Variants in DNAAF4 observed in about 807,000 individuals in gnomAD.
DNAAF4 encodes the protein dynein axonemal assembly factor 4.
A neutral mutation model predicts 51.8 loss-of-function variants in DNAAF4; 43 were observed. That is an observed-to-expected ratio of 0.83 (90% CI 0.65 to 1.07). The LOEUF is 1.07. Among genes scored for constraint, DNAAF4 ranks in the 50% least tolerant of loss-of-function variants. DNAAF4 has a pLI of 0.00. For missense variants in DNAAF4, 581 were observed against 493.0 expected (o/e 1.18, Z -1.69); for synonymous variants, 194 against 165.6 (o/e 1.17, Z -1.32).
intron 4 of DNAAF4, among the ~76,000 whole-genome samples, chr15:55,472,869 A>G (rs1432782039): frequency 6.6e-6 from 1 of 151,948 alleles, no homozygotes; most frequent in Non-Finnish European, 1.5e-5. Flanking sequence ...TTGTAAATAA[A>G]ACATTAGCAA....
chr15:55,465,500 G>T (rs796491437), intron 5 of DNAAF4, among the ~76,000 whole-genome samples: 15 of 151,108 alleles, frequency 9.9e-5, no homozygotes, highest in African/African-American at 3.6e-4. Context: ...CCTGGATGGA[G>T]TTGGAGACGA....
At chr15:55,502,887 T>G (rs2058707019) in intron 1 of DNAAF4, among the ~76,000 whole-genome samples, 1 of 151,838 alleles carries the variant, frequency 6.6e-6, no homozygotes, top group South Asian at 2.1e-4. Flanking sequence ...AGCAAACACA[T>G]TCAAAAGCTA....
rs889125391 is a variant in DNAAF4 at position 55,450,250 on chromosome 15, C to T, written c.755G>A (p.Arg252His). 96 of 1,612,970 alleles carry T rather than the reference C, an allele frequency of 6.0e-5. No homozygotes were observed. The highest frequency in any genetic ancestry group is 8.0e-5 in the Non-Finnish European group (94 of 1,179,814). The change falls in exon 6 of 10, where the codon CGT becomes CAT. Residue 252 changes from arginine to histidine, a missense_variant. Arg to His is a conservative substitution (Grantham distance 29). Transcript: ENST00000321149. ...CTCCTCTTCTGCTACTTGTGATTCA[C>T]GAAGAGCTGTTGGGAATACTCGAGG... ...FTPRVFPTAL[R>H]ESQVAEEEEW...
chr15:55,437,708 G>A (rs1020643219), intron 7 of DNAAF4, among the ~76,000 whole-genome samples: 2 of 152,156 alleles, frequency 1.3e-5, no homozygotes, highest in Admixed American at 6.6e-5. Flanking sequence ...GGAGATCACG[G>A]AAGCAGAGGT....
intron 1 of DNAAF4, among the ~76,000 whole-genome samples, chr15:55,505,605 C>A (rs571463631): frequency 6.6e-6 from 1 of 152,228 alleles, no homozygotes; most frequent in Admixed American, 6.5e-5. Context: ...GAGGAGTTCA[C>A]GTCCTTTGCA....
At chr15:55,489,485 C>A (rs915592496) in intron 4 of DNAAF4, among the ~76,000 whole-genome samples, 3 of 151,958 alleles carry the variant, frequency 2.0e-5, no homozygotes, top group Admixed American at 6.6e-5. Flanking sequence ...ACCAACCTGG[C>A]CAATATGGTG....
At chr15:55,460,415 C>T (rs866174564) in intron 5 of DNAAF4, among the ~76,000 whole-genome samples, 1 of 151,734 alleles carries the variant, frequency 6.6e-6, no homozygotes, top group African/African-American at 2.4e-5. Context: ...CCTGACCACC[C>T]GTGATCCACC....
intron 5 of DNAAF4, among the ~76,000 whole-genome samples, chr15:55,464,449 A>G (rs528912887): frequency 6.6e-6 from 1 of 152,342 alleles, no homozygotes. Flanking sequence ...AAAGATAAAT[A>G]GATGGGACTT....
chr15:55,418,191 A>T, intron 7 of DNAAF4: 1 of 1,564,308 alleles, frequency 6.4e-7, no homozygotes, highest in African/African-American at 1.4e-5. Context: ...GAACTTTATA[A>T]TGGAGAATGA....
At chr15:55,470,287 G>A (rs986004899) in intron 4 of DNAAF4, among the ~76,000 whole-genome samples, 20 of 151,606 alleles carry the variant, frequency 1.3e-4, no homozygotes, top group Middle Eastern at 6.8e-3. Context: ...CCTGACCTCA[G>A]GTGATCCACC....
At chr15:55,449,424 A>G (rs1036416071) in intron 6 of DNAAF4, among the ~76,000 whole-genome samples, 1 of 150,314 alleles carries the variant, frequency 6.7e-6, no homozygotes, top group Non-Finnish European at 1.5e-5. Context: ...GCACATTGGG[A>G]GGCCGAGCAG....
At chr15:55,421,051 G>A (rs180868603) in intron 7 of DNAAF4, among the ~76,000 whole-genome samples, 88 of 151,958 alleles carry the variant, frequency 5.8e-4, no homozygotes, top group African/African-American at 2.0e-3. Flanking sequence ...TTAGCCAGGC[G>A]TGGTGGTGTG....
chr15:55,492,153 G>T (rs767240820), intron 3 of DNAAF4, among the ~76,000 whole-genome samples: 3 of 151,964 alleles, frequency 2.0e-5, no homozygotes, highest in Admixed American at 2.0e-4. Flanking sequence ...CACCACGCAA[G>T]ATCTCACAGT....
rs2058671662 is a variant in DNAAF4, at chr15:55,498,593, G to GAAAACAAAAAAAAAA, written c.-255-10_-255-9insTTTTTTTTTTGTTTT. 1.3e-5 allele frequency: 1 copy of GAAAACAAAAAAAAAA among 74,652 alleles called. No homozygotes were observed. Among genetic ancestry groups the GAAAACAAAAAAAAAA allele is most frequent in the African/African-American group, 5.8e-5 (1 of 17,198 alleles). The allele number at this position is 74,652 out of a possible 1,614,324, so 4.6% of individuals were successfully genotyped here. A position where few individuals can be genotyped will look rare whatever the true frequency, so the allele number is the denominator to read the frequency against. ...AAGTAGACCCATACCCTCTGCTTGA[G>GAAAACAAAAAAAAAA]AAAAAAAAAAAAAAAAAAAAGCACT... On this transcript the variant is annotated splice_polypyrimidine_tract_variant and intron_variant, in intron 1 of 9. Transcript: ENST00000321149.
At chr15:55,444,678 G>A (rs1198389296) in intron 6 of DNAAF4, among the ~76,000 whole-genome samples, 1 of 152,116 alleles carries the variant, frequency 6.6e-6, no homozygotes, top group Non-Finnish European at 1.5e-5. Context: ...CTATCCATGA[G>A]CTTGGAATGT....
downstream of DNAAF4, among the ~76,000 whole-genome samples, chr15:55,428,643 T>C (rs1394283742): frequency 6.6e-6 from 1 of 150,992 alleles, no homozygotes; most frequent in East Asian, 2.0e-4. Context: ...TACAGGCGCC[T>C]GCCACCACGC....
chr15:55,489,426 C>A (rs1879736081), intron 4 of DNAAF4, among the ~76,000 whole-genome samples: 1 of 152,050 alleles, frequency 6.6e-6, no homozygotes, highest in African/African-American at 2.4e-5. Flanking sequence ...GTAATCCCAA[C>A]ACTTTGGGAG....
intron 5 of DNAAF4, among the ~76,000 whole-genome samples, chr15:55,455,412 A>ATATATATATATT (rs1227228964): frequency 2.7e-5 from 4 of 146,186 alleles, no homozygotes; most frequent in Non-Finnish European, 3.0e-5. Context: ...ATATATATAT[A>ATATATATATATT]TTCAATCTAA....
chr15:55,445,053 T>A (rs1250074653), intron 6 of DNAAF4, among the ~76,000 whole-genome samples: 5 of 131,516 alleles, frequency 3.8e-5, no homozygotes, highest in African/African-American at 1.5e-4. Context: ...TTTTTTTTTT[T>A]AGTATTTATT....
Sources: gnomAD v4.1 joint callset for allele counts (sites outside exome capture counted in the v4.1 genomes callset) on GRCh38, gnomAD v4.1.1 for gene constraint, MANE v1.5 for transcripts, NCBI Gene and HGNC (gene_info 2026-07-23, HGNC 2026-07-21) for gene names.